Variants in URB1 observed in about 807,000 individuals in gnomAD.
URB1 encodes URB1 ribosome biogenesis factor.
URB1 carries 197 observed loss-of-function variants against 242.3 expected under a neutral mutation model. The ratio of observed to expected loss-of-function variants is 0.81; its 90% CI spans 0.72 to 0.91. The LOEUF is 0.91. Ranked by LOEUF, URB1 falls within the 40% of genes least tolerant of loss-of-function variation. The pLI, the probability that URB1 is intolerant of heterozygous loss-of-function variation, is 0.00. For missense variants in URB1, 2,721 were observed against 2,860.5 expected, an observed-to-expected ratio of 0.95 and a Z score of 1.11; for synonymous variants, 1,153 against 1,201.8, an observed-to-expected ratio of 0.96 and a Z score of 0.84.
intron 5 of URB1, among the ~76,000 whole-genome samples, chr21:32,376,777 A>G (rs2033463667): frequency 3.3e-5 from 5 of 151,954 alleles, no homozygotes; most frequent in Admixed American, 2.6e-4. Context: ...AGCTGAGACA[A>G]CAGGTACACG....
chr21:32,344,462 C>T (rs536154446), intron 24 of URB1, 108 bp downstream of exon 24: 571 of 1,254,470 alleles, frequency 4.6e-4, no homozygotes, highest in Non-Finnish European at 6.0e-4. Flanking sequence ...TCATTTCCTA[C>T]AGGGCCATAT....
chr21:32,382,017 C>T (rs988067815), intron 4 of URB1, among the ~76,000 whole-genome samples: 8 of 152,192 alleles, frequency 5.3e-5, no homozygotes, highest in African/African-American at 1.7e-4. Flanking sequence ...ACTGTAACTC[C>T]CATTTTACAG....
chr21:32,379,906 G>A (rs117755172), intron 4 of URB1, among the ~76,000 whole-genome samples: 2,552 of 151,944 alleles, frequency 0.017, 29 homozygotes, highest in Middle Eastern at 0.041. Context: ...TTAAGCCCGG[G>A]AGGCAGAGGT....
chr21:32,315,190 G>C (rs533808396), intron 38 of URB1, 91 bp from the exon 39 acceptor site: 1 of 1,338,252 alleles, frequency 7.5e-7, no homozygotes, highest in African/African-American at 1.5e-5. Context: ...GCTTTGCCAA[G>C]TGCCCAAATG....
At chr21:32,326,193 C>A (rs2032827565) in intron 30 of URB1, among the ~76,000 whole-genome samples, 2 of 152,220 alleles carry the variant, frequency 1.3e-5, no homozygotes, top group Admixed American at 1.3e-4. Context: ...AAGATAAATA[C>A]TGTCAAGAAG....
In URB1 at chr21:32,355,564, A is replaced by G. The variant is rs759001904; in HGVS notation, c.1991T>C (p.Ile664Thr). 2.6e-6 allele frequency: 4 copies of G among 1,551,522 alleles called. No individual in the cohort carries two copies. Among genetic ancestry groups the G allele is most frequent in the Non-Finnish European group, 3.5e-6 (4 of 1,146,820 alleles). The part of the protein sequence containing the change: ...KSLTKLLIMK[I>T]LRDTGVFEHT... ...CTCAAACACCCCCGTGTCCCGCAGA[A>G]TCTGCCAGGAAGTAGGCACCGGTGA... is the stretch of plus-strand genomic sequence containing the variant. The change falls in exon 16 of 39, where the codon ATT (isoleucine) becomes ACT (threonine). Residue 664 changes from isoleucine to threonine, a missense_variant and splice_region_variant. Ile to Thr is a moderately conservative substitution (Grantham distance 89). Transcript: ENST00000382751.
chr21:32,343,176 T>A (rs1259999430), intron 24 of URB1, among the ~76,000 whole-genome samples: 1 of 151,962 alleles, frequency 6.6e-6, no homozygotes, highest in East Asian at 1.9e-4. Context: ...AGACTCTGGG[T>A]AATGGGAGTT....
rs556838990 is a variant in URB1, at chr21:32,325,110, C to T, written c.5121+119G>A. The T allele has an allele frequency of 2.7e-5, 35 of 1,295,340 alleles. No homozygotes were observed. In the African/African-American group the frequency reaches 2.8e-4, roughly 10 times the overall value. The allele number at this position is 1,295,340 out of a possible 1,614,324, so 80.2% of individuals were successfully genotyped here. On this transcript the variant is annotated intron_variant, in intron 31 of 38. Coordinates refer to ENST00000382751, the MANE Select transcript of URB1 (RefSeq NM_014825.3). ...CTTTTGCTCTTCAGCAGAGATCTCCCGGCAACATGCCACCTCCGTGTTCCC... is the reference window on the plus strand; with the variant it reads ...CTTTTGCTCTTCAGCAGAGATCTCCTGGCAACATGCCACCTCCGTGTTCCC...
rs1432913930 is a variant in URB1 at position 32,311,459 on chromosome 21, G to C, written c.*3459C>G. 3 of 443,636 alleles carry C rather than the reference G, an allele frequency of 6.8e-6. No individual in the cohort carries two copies. Among genetic ancestry groups the C allele is most frequent in the Non-Finnish European group, 1.2e-5 (3 of 257,072 alleles). 27.5% of individuals were successfully genotyped at this position (443,636 alleles called of 1,614,324 possible). Reference sequence around the variant, plus strand: ...AATGTAGGAAGAAGTGGCCTCCAGGGAAAGACCTGAGGCCTAGTTCCTGAC... The same window carrying C: ...AATGTAGGAAGAAGTGGCCTCCAGGCAAAGACCTGAGGCCTAGTTCCTGAC... On this transcript the variant is annotated 3_prime_UTR_variant, in exon 39 of 39. Transcript: ENST00000382751.
intron 6 of URB1, among the ~76,000 whole-genome samples, chr21:32,374,497 T>C (rs2833792): frequency 0.13 from 20,144 of 152,236 alleles, 1,669 homozygotes; most frequent in African/African-American, 0.23. Flanking sequence ...TTATCTTCCA[T>C]AGGGGATACA....
At chr21:32,336,211 T>C (rs1055253391) in intron 28 of URB1, among the ~76,000 whole-genome samples, 8 of 152,132 alleles carry the variant, frequency 5.3e-5, no homozygotes, top group Non-Finnish European at 8.8e-5. Context: ...TTTCATTTCC[T>C]TTTTCTTTCT....
intron 4 of URB1, among the ~76,000 whole-genome samples, chr21:32,381,931 C>T (rs2033531401): frequency 6.6e-6 from 1 of 152,134 alleles, no homozygotes; most frequent in African/African-American, 2.4e-5. Flanking sequence ...GTCTCAACTC[C>T]ATTTCCTATA....
At position 32,314,717 on chromosome 21, in the gene URB1, C is replaced by T. The variant is rs1198680045; in HGVS notation, c.*201G>A. The T allele has an allele frequency of 3.9e-6, 6 of 1,530,452 alleles. No individual in the cohort carries two copies. The highest frequency in any genetic ancestry group is 5.4e-6 in the Non-Finnish European group (6 of 1,105,520). 94.8% of individuals were successfully genotyped at this position (1,530,452 alleles called of 1,614,324 possible). A position where few individuals can be genotyped will look rare whatever the true frequency, so the allele number is the denominator to read the frequency against. ...CATTCCTTGCAACTCTGATGCTGGG[C>T]ACCTACAGGCCCGAGTTTATCATTT... On this transcript the variant is annotated 3_prime_UTR_variant, in exon 39 of 39. Transcript: ENST00000382751.
intron 1 of URB1, among the ~76,000 whole-genome samples, chr21:32,391,236 G>C (rs1270349048): frequency 1.5e-5 from 2 of 137,464 alleles, no homozygotes; most frequent in Non-Finnish European, 3.2e-5. Flanking sequence ...GGGGAGGGGG[G>C]AGGGACAGCA....
chr21:32,320,533 GC>G lies in URB1; in HGVS notation c.5591del (p.Ser1864ThrfsTer12). The G allele has an allele frequency of 6.5e-7, 1 of 1,549,476 alleles. No homozygotes were observed. Among genetic ancestry groups the G allele is most frequent in the Non-Finnish European group, 8.7e-7 (1 of 1,145,176 alleles). On this transcript the variant is annotated frameshift_variant, in exon 35 of 39. Coordinates refer to ENST00000382751, the MANE Select transcript of URB1 (RefSeq NM_014825.3). LOFTEE classifies it high-confidence loss of function. ...LLTWILHILE[S>X]KFLETPLLSN... ...CCTCGCATGCAAAAGGTACTTACTT[GC>G]TTTCAAGGATGTGTAAAATCCATGT...
At chr21:32,375,583 T>C in intron 5 of URB1, 100 bp from the exon 6 acceptor site, 2 of 654,384 alleles carry the variant, frequency 3.1e-6, no homozygotes, top group Non-Finnish European at 4.8e-6. Context: ...AACAATGCCA[T>C]TTACTTTTTC....
chr21:32,370,075 C>A (rs931490213), intron 8 of URB1, among the ~76,000 whole-genome samples: 1 of 151,894 alleles, frequency 6.6e-6, no homozygotes, highest in Non-Finnish European at 1.5e-5. Flanking sequence ...GCCAAAGCCC[C>A]AGGACACTAG....
At chr21:32,364,979 T>C (rs2033329549) in intron 10 of URB1, among the ~76,000 whole-genome samples, 1 of 152,242 alleles carries the variant, frequency 6.6e-6, no homozygotes. Context: ...GAGAGGAGGC[T>C]GTGTCCTCTG....
At chr21:32,315,701 A>G (rs1233262809) in intron 38 of URB1, among the ~76,000 whole-genome samples, 1 of 152,250 alleles carries the variant, frequency 6.6e-6, no homozygotes, top group Non-Finnish European at 1.5e-5. Flanking sequence ...ATGAAATTTG[A>G]GAAGAACTTC....
Sources: allele counts gnomAD v4.1 joint callset (sites outside exome capture counted in the v4.1 genomes callset), GRCh38; gene constraint gnomAD v4.1.1; transcripts MANE v1.5; gene names NCBI Gene and HGNC (gene_info 2026-07-23, HGNC 2026-07-21).